Variants in COL4A2 observed in about 807,000 individuals in gnomAD.
The protein encoded by COL4A2 is collagen type IV alpha 2 chain, also known as collagen alpha-2(IV) chain.
In COL4A2, 99 loss-of-function variants were observed where a neutral mutation model predicts 200.2. That is an observed-to-expected ratio of 0.49 (90% CI 0.42 to 0.58). The LOEUF (loss-of-function observed/expected upper bound fraction) is 0.58. Among genes scored for constraint, COL4A2 ranks in the 20% least tolerant of loss-of-function variants. COL4A2 has a pLI of 0.00. For missense variants in COL4A2, 1,950 were observed against 2,314.1 expected, an observed-to-expected ratio of 0.84 and a Z score of 3.23; for synonymous variants, 897 against 900.6, an observed-to-expected ratio of 1.00 and a Z score of 0.07.
intron 25 of COL4A2, 37 bp downstream of exon 25, chr13:110,465,643 T>C (rs756301496): frequency 2.6e-6 from 4 of 1,522,664 alleles, no homozygotes; most frequent in Non-Finnish European, 3.6e-6. Flanking sequence ...TTCACAGTCC[T>C]GAGACATTCC....
chr13:110,449,542 A>T (rs941455302), intron 18 of COL4A2, 137 bp from the exon 19 acceptor site: 1 of 745,116 alleles, frequency 1.3e-6, no homozygotes, highest in Non-Finnish European at 2.1e-6. Context: ...CCCATGTATT[A>T]ATCATCTTAA....
At chr13:110,320,623 C>T (rs1406622043) in intron 3 of COL4A2, among the ~76,000 whole-genome samples, 1 of 152,142 alleles carries the variant, frequency 6.6e-6, no homozygotes, top group Non-Finnish European at 1.5e-5. Context: ...GTTTAGTTCC[C>T]TCTGAACAAA....
At chr13:110,467,277 A>G (rs536466622) in intron 27 of COL4A2, among the ~76,000 whole-genome samples, 181 bp downstream of exon 27, 2 of 152,336 alleles carry the variant, frequency 1.3e-5, no homozygotes, top group South Asian at 4.1e-4. Flanking sequence ...TTGCCACTAT[A>G]GAAAAAGGAG....
chr13:110,462,025 C>A, intron 22 of COL4A2, 89 bp from the exon 23 acceptor site: 2 of 1,556,210 alleles, frequency 1.3e-6, no homozygotes, highest in Non-Finnish European at 8.7e-7. Context: ...TGCCTGCCAG[C>A]TGTGTGAGAT....
Position 110,430,699 on chromosome 13 carries a change from G to A in COL4A2, c.648+92G>A, listed in dbSNP as rs749561811. 3.9e-6 allele frequency: 6 copies of A among 1,526,424 alleles called. No individual in the cohort carries two copies. In the Admixed American group the frequency reaches 8.3e-5, roughly 21 times the overall value. 94.6% of individuals were successfully genotyped at this position (1,526,424 alleles called of 1,614,324 possible). On this transcript the variant is annotated intron_variant, in intron 10 of 47. Coordinates refer to ENST00000360467, the MANE Select transcript of COL4A2 (RefSeq NM_001846.4). The stretch of plus-strand genomic sequence containing the variant: ...CTTCAATGGTTGACTCCAGATGAGA[G>A]CTTTAAGAACAACTATGATGCTTAT...
chr13:110,416,856 C>T (rs9521751), intron 4 of COL4A2, among the ~76,000 whole-genome samples: 78,594 of 152,176 alleles, frequency 0.52, 21,347 homozygotes, highest in Admixed American at 0.61. Context: ...ACTTTCAGTT[C>T]TGCTGCCCTG....
intron 4 of COL4A2, among the ~76,000 whole-genome samples, chr13:110,387,228 G>A (rs1004416681): frequency 2.6e-5 from 4 of 152,148 alleles, no homozygotes; most frequent in South Asian, 2.1e-4. Context: ...GACAGAGTTA[G>A]ACTCCATCTC....
chr13:110,442,807 A>G (rs1881178145), intron 16 of COL4A2, among the ~76,000 whole-genome samples: 1 of 151,998 alleles, frequency 6.6e-6, no homozygotes, highest in African/African-American at 2.4e-5. Flanking sequence ...CCACAGTGTT[A>G]TTTTATAATT....
intron 3 of COL4A2, among the ~76,000 whole-genome samples, chr13:110,315,103 C>T (rs930512511): frequency 3.9e-5 from 6 of 152,216 alleles, no homozygotes; most frequent in African/African-American, 7.2e-5. Context: ...CGCCTCTGCC[C>T]GGCCCCTGCC....
At chr13:110,323,861 G>A (rs1885340377) in intron 3 of COL4A2, among the ~76,000 whole-genome samples, 1 of 152,220 alleles carries the variant, frequency 6.6e-6, no homozygotes, top group Admixed American at 6.5e-5. Flanking sequence ...CCGAAGCTAA[G>A]TAGTTTGGGG....
rs752044099 is a variant in COL4A2 at position 110,445,891 on chromosome 13, G to A, written c.1011+9G>A. On this transcript the variant is annotated intron_variant, in intron 17 of 47. Transcript: ENST00000360467. Reference sequence around the variant, plus strand: ...GACCCCGGGGACCCAAGGTGAGCCCGTTTCTCATGTCTTTGCCACTTATGG... The same window carrying A: ...GACCCCGGGGACCCAAGGTGAGCCCATTTCTCATGTCTTTGCCACTTATGG... 6.2e-6 allele frequency: 10 copies of A among 1,614,130 alleles called. No homozygotes were observed. The highest frequency in any genetic ancestry group is 4.0e-5 in the African/African-American group (3 of 75,038).
chr13:110,308,282 C>A (rs1413393277), intron 3 of COL4A2, among the ~76,000 whole-genome samples, 159 bp downstream of exon 3: 2 of 152,192 alleles, frequency 1.3e-5, no homozygotes. Context: ...GCTTGCTCTT[C>A]CCTCATCATG....
rs1883103591 is a variant in COL4A2, at chr13:110,485,845, G to A, written c.3207+9G>A. The A allele has an allele frequency of 2.5e-6, 4 of 1,613,162 alleles. No homozygotes were observed. The highest frequency in any genetic ancestry group is 1.7e-5 in the Admixed American group (1 of 59,884). ...GATTCATAGGAAGCCGGGTGAGTGG[G>A]CGTCTTTTACTCCCCTTGTTCTGTG... On this transcript the variant is annotated intron_variant, in intron 34 of 47. Transcript: ENST00000360467.
At chr13:110,394,462 G>A (rs1282690867) in intron 4 of COL4A2, among the ~76,000 whole-genome samples, 1 of 152,160 alleles carries the variant, frequency 6.6e-6, no homozygotes, top group Non-Finnish European at 1.5e-5. Context: ...GTCTTCTCCT[G>A]GTAGCGCCAT....
intron 4 of COL4A2, among the ~76,000 whole-genome samples, chr13:110,382,809 T>C (rs994433595): frequency 2.0e-5 from 3 of 152,240 alleles, no homozygotes; most frequent in Admixed American, 6.5e-5. Flanking sequence ...CAAAAATAGT[T>C]GCATCACATT....
chr13:110,499,429 A>T (rs1448957621), intron 40 of COL4A2, among the ~76,000 whole-genome samples: 1 of 152,186 alleles, frequency 6.6e-6, no homozygotes, highest in Admixed American at 6.5e-5. Flanking sequence ...GGAACTCACT[A>T]TCACGAGAAC....
chr13:110,408,830 CACACATACACGCACACATAT>C (rs1879691527), intron 4 of COL4A2, among the ~76,000 whole-genome samples: 2 of 119,200 alleles, frequency 1.7e-5, no homozygotes, highest in Admixed American at 9.4e-5. Context: ...CACATGCACA[CACACATACACGCACACATAT>C]ACACACATAC....
At position 110,307,832 on chromosome 13, in the gene COL4A2, C is replaced by A. The variant is rs931296316; in HGVS notation, c.-44-28C>A. ...GATGGGCTGCCTCCCTCATCCTGCG[C>A]TAAACTCGCTTTGTCTGTCGCCTCT... On this transcript the variant is annotated intron_variant, in intron 1 of 47. Coordinates refer to ENST00000360467, the MANE Select transcript of COL4A2 (RefSeq NM_001846.4). This position sits in a 1 kb window ranked among gnomAD's most constrained non-coding sequence, Gnocchi z 5.0. 6.5e-7 allele frequency: 1 copy of A among 1,538,998 alleles called. No individual in the cohort carries two copies. The highest frequency in any genetic ancestry group is 1.9e-5 in the Admixed American group (1 of 53,508).
chr13:110,393,485 G>A (rs1879068003), intron 4 of COL4A2, among the ~76,000 whole-genome samples: 1 of 151,962 alleles, frequency 6.6e-6, no homozygotes, highest in Admixed American at 6.6e-5. Flanking sequence ...CTTTGTCTGA[G>A]TAGTGAGGAT....
Sources: gnomAD v4.1 joint callset for allele counts (sites outside exome capture counted in the v4.1 genomes callset) on GRCh38, gnomAD v4.1.1 for gene constraint, Gnocchi (gnomAD v3.1) non-coding constraint, MANE v1.5 for transcripts, NCBI Gene and HGNC (gene_info 2026-07-23, HGNC 2026-07-21) for gene names.